Variants in MTSS1 observed in about 807,000 individuals in gnomAD.
MTSS1 encodes the protein MTSS I-BAR domain containing 1, also known as protein MTSS 1.
A neutral mutation model predicts 79.0 loss-of-function variants in MTSS1; 18 were observed. The ratio of observed to expected loss-of-function variants is 0.23; its 90% CI spans 0.16 to 0.34. The LOEUF (loss-of-function observed/expected upper bound fraction) is 0.34, where lower values mean the gene tolerates loss of function less well. Among genes scored for constraint, MTSS1 ranks in the 10% least tolerant of loss-of-function variants. The pLI is 1.00. For synonymous variants in MTSS1, 341 were observed against 368.6 expected (o/e 0.93, Z 0.86); for missense variants, 815 against 986.2 (o/e 0.83, Z 2.33).
At chr8:124,682,699 C>A (rs975014133) in intron 3 of MTSS1, among the ~76,000 whole-genome samples, 1 of 152,214 alleles carries the variant, frequency 6.6e-6, no homozygotes, top group African/African-American at 2.4e-5. Flanking sequence ...CAGCTCAGGG[C>A]AGCTAACTGA....
chr8:124,653,986 T>C (rs1820490386), intron 3 of MTSS1, among the ~76,000 whole-genome samples: 1 of 152,202 alleles, frequency 6.6e-6, no homozygotes, highest in South Asian at 2.1e-4. Flanking sequence ...GCCTCCTTCC[T>C]ATCACAGACT....
chr8:124,673,603 G>A (rs1187552938), intron 3 of MTSS1: 1 of 152,108 alleles, frequency 6.6e-6, no homozygotes, highest in African/African-American at 2.4e-5. Context: ...CTTCATTCTT[G>A]TTTGTTCTGA....
At chr8:124,567,698 TC>T (rs1826810410) in intron 7 of MTSS1, 2 of 1,479,600 alleles carry the variant, frequency 1.4e-6, no homozygotes, top group East Asian at 5.0e-5. Flanking sequence ...GGAAGAAACA[TC>T]CCATGTGCTT....
At chr8:124,586,485 C>T (rs952863898) in intron 5 of MTSS1, among the ~76,000 whole-genome samples, 1 of 152,180 alleles carries the variant, frequency 6.6e-6, no homozygotes, top group African/African-American at 2.4e-5. Flanking sequence ...CTCCCTGTAT[C>T]TCTCTCCCCC....
intron 3 of MTSS1, among the ~76,000 whole-genome samples, chr8:124,690,644 C>G (rs1827791678): frequency 3.3e-5 from 5 of 152,196 alleles, no homozygotes. Flanking sequence ...TAAAAGGCCA[C>G]TTGTCAAATG....
chr8:124,584,009 G>C (rs544499443), intron 6 of MTSS1, among the ~76,000 whole-genome samples: 1 of 152,326 alleles, frequency 6.6e-6, no homozygotes, highest in South Asian at 2.1e-4. Context: ...AAATCTGATT[G>C]TGGGTGAAAA....
intron 3 of MTSS1, among the ~76,000 whole-genome samples, chr8:124,600,578 G>A (rs1833620672): frequency 6.6e-6 from 1 of 152,220 alleles, no homozygotes; most frequent in Non-Finnish European, 1.5e-5. Context: ...GAGCGGTGAT[G>A]TAGCTATAAG....
chr8:124,634,111 A>ATT lies in MTSS1; in HGVS notation c.209-42878_209-42877dup, dbSNP rs757857502. Among the ~76,000 whole-genome samples, 647 of 143,618 alleles carry ATT rather than the reference A, an allele frequency of 4.5e-3. 9 individuals carry two copies. Among genetic ancestry groups the ATT allele is most frequent in the African/African-American group, 0.015 (601 of 39,222 alleles). 94.2% of individuals were successfully genotyped at this position (143,618 alleles called of 152,430 possible). A position where few individuals can be genotyped will look rare whatever the true frequency, so the allele number is the denominator to read the frequency against. ...GTCCTTATTTATTTATTTATTTTTA[A>ATT]TTTTTTTTTTTTTTGAGACAGGGTC... On this transcript the variant is annotated intron_variant, in intron 3 of 13. Coordinates refer to ENST00000518547, the MANE Select transcript of MTSS1 (RefSeq NM_014751.6).
chr8:124,595,410 G>A (rs116233399), intron 3 of MTSS1, among the ~76,000 whole-genome samples: 194 of 152,330 alleles, frequency 1.3e-3, no homozygotes, highest in African/African-American at 4.3e-3. Context: ...TCCTTCTGGA[G>A]GCTGCAGGGG....
At chr8:124,599,238 C>A (rs1833316526) in intron 3 of MTSS1, among the ~76,000 whole-genome samples, 1 of 152,096 alleles carries the variant, frequency 6.6e-6, no homozygotes, top group African/African-American at 2.4e-5. Context: ...ATCCCCAACA[C>A]TTTGGGAGGC....
chr8:124,578,352 T>C (rs1829381197), intron 6 of MTSS1, among the ~76,000 whole-genome samples: 2 of 152,156 alleles, frequency 1.3e-5, no homozygotes, highest in Non-Finnish European at 2.9e-5. Flanking sequence ...GAGCCATGTG[T>C]TGGTGCACGC....
chr8:124,612,463 A>G (rs962234898), intron 3 of MTSS1, among the ~76,000 whole-genome samples: 11 of 152,188 alleles, frequency 7.2e-5, no homozygotes, highest in Non-Finnish European at 1.2e-4. Flanking sequence ...TTTAGGAGAC[A>G]ATTACCCAGT....
intron 1 of MTSS1, among the ~76,000 whole-genome samples, chr8:124,718,159 T>G (rs1832374283): frequency 6.6e-6 from 1 of 151,602 alleles, no homozygotes; most frequent in African/African-American, 2.4e-5. Context: ...ACTTATTTTT[T>G]ACTTAACTGA....
At chr8:124,585,032 A>T (rs934873814) in intron 6 of MTSS1, 55 bp downstream of exon 6, 2 of 1,486,792 alleles carry the variant, frequency 1.3e-6, no homozygotes, top group Non-Finnish European at 1.9e-6. Flanking sequence ...CACTTCAAAA[A>T]CAAATCAAGT....
rs1217129923 is a variant in MTSS1 at position 124,597,857 on chromosome 8, G to T, written c.209-6622C>A. On this transcript the variant is annotated intron_variant, in intron 3 of 13. Coordinates refer to ENST00000518547, the MANE Select transcript of MTSS1 (RefSeq NM_014751.6). This position sits in a 1 kb window ranked among gnomAD's most constrained non-coding sequence, Gnocchi z 4.6. ...TTAGGAGCCAGACAGAACCAGAGGA[G>T]AGGAGAACGCTCTCAGGCATCTCTG... is the stretch of plus-strand genomic sequence containing the variant. Among the ~76,000 whole-genome samples the T allele has an allele frequency of 6.6e-6, 1 of 152,246 alleles. No individual in the cohort carries two copies. The highest frequency in any genetic ancestry group is 2.1e-4 in the South Asian group (1 of 4,826).
chr8:124,691,674 C>T (rs1011759177), intron 3 of MTSS1, among the ~76,000 whole-genome samples: 2 of 152,098 alleles, frequency 1.3e-5, no homozygotes, highest in Non-Finnish European at 2.9e-5. Context: ...CGCCACCACA[C>T]CCAGCTAATT....
At chr8:124,711,037 G>A (rs1037554307) in intron 1 of MTSS1, among the ~76,000 whole-genome samples, 9 of 152,186 alleles carry the variant, frequency 5.9e-5, no homozygotes, top group Non-Finnish European at 1.3e-4. Context: ...AAGCCGTGGG[G>A]TATATGACCA....
intron 9 of MTSS1, among the ~76,000 whole-genome samples, chr8:124,565,154 C>T (rs150264850): frequency 2.2e-3 from 342 of 152,288 alleles, no homozygotes; most frequent in African/African-American, 7.7e-3. Context: ...CTAATTAATA[C>T]AGGTGTGGTC....
At chr8:124,605,280 G>C (rs1834602166) in intron 3 of MTSS1, among the ~76,000 whole-genome samples, 1 of 152,240 alleles carries the variant, frequency 6.6e-6, no homozygotes, top group Non-Finnish European at 1.5e-5. Context: ...CAGCGAAGCA[G>C]CTGTGGCCTG....
Sources: allele counts gnomAD v4.1 joint callset (sites outside exome capture counted in the v4.1 genomes callset), GRCh38; gene constraint gnomAD v4.1.1; non-coding constraint Gnocchi (gnomAD v3.1); transcripts MANE v1.5; gene names NCBI Gene and HGNC (gene_info 2026-07-23, HGNC 2026-07-21).